Variants in PCLO observed in about 807,000 individuals in gnomAD.
PCLO encodes protein piccolo.
A neutral mutation model predicts 427.5 loss-of-function variants in PCLO; 82 were observed. The ratio of observed to expected loss-of-function variants is 0.19; its 90% CI spans 0.16 to 0.23. The LOEUF (loss-of-function observed/expected upper bound fraction) is 0.23. Among genes scored for constraint, PCLO ranks in the 10% least tolerant of loss-of-function variants. The pLI is 1.00. For missense variants in PCLO, 6,239 were observed against 6,115.9 expected (o/e 1.02, Z -0.67); for synonymous variants, 2,357 against 2,155.4 (o/e 1.09, Z -2.59).
chr7:82,851,824 C>T (rs528784076), intron 10 of PCLO, among the ~76,000 whole-genome samples: 1 of 152,290 alleles, frequency 6.6e-6, no homozygotes, highest in African/African-American at 2.4e-5. Flanking sequence ...CAACAGCAAA[C>T]ACATCTTGCA....
intron 3 of PCLO, chr7:83,018,053 A>C (rs2116038122): frequency 6.6e-6 from 1 of 152,130 alleles, no homozygotes; most frequent in East Asian, 1.9e-4. Flanking sequence ...TGTACTAATA[A>C]ATGAATTAAA....
At position 82,966,362 on chromosome 7, in the gene PCLO, T is replaced by A; in HGVS notation, c.3426A>T (p.Glu1142Asp). The change falls in exon 4 of 25, where the codon GAA (glutamate) becomes GAT (aspartate). Residue 1142 changes from glutamate (E) to aspartate (D), a missense_variant. Glu to Asp is a conservative substitution (Grantham distance 45). This residue lies in a region of PCLO where 4,677 missense variants were observed against 4,468.4 expected (regional missense o/e 1.05). Coordinates refer to ENST00000333891, the MANE Select transcript of PCLO (RefSeq NM_033026.6). ...GCACTGCTGTTTTCTGAGATGATGA[T>A]TCTGTAGGAACAGGCATAGGAGATG... ...PKASPMPVPT[E>D]SSSQKTAVPP... 6.2e-7 allele frequency: 1 copy of A among 1,613,930 alleles called. No homozygotes were observed. The highest frequency in any genetic ancestry group is 1.7e-5 in the Admixed American group (1 of 60,024).
At chr7:82,800,592 G>T (rs4299948) in intron 22 of PCLO, among the ~76,000 whole-genome samples, 52,756 of 151,774 alleles carry the variant, frequency 0.35, 9,592 homozygotes, top group African/African-American at 0.42. Context: ...AGGGCTACTA[G>T]ATTTTATTTA....
At chr7:83,138,408 C>A (rs1292636434) in intron 2 of PCLO, among the ~76,000 whole-genome samples, 1 of 152,110 alleles carries the variant, frequency 6.6e-6, no homozygotes, top group Non-Finnish European at 1.5e-5. Flanking sequence ...GGCCTGTAAT[C>A]CCAGCACTTT....
At chr7:83,115,851 A>C (rs1253323726) in intron 3 of PCLO, among the ~76,000 whole-genome samples, 3 of 152,026 alleles carry the variant, frequency 2.0e-5, no homozygotes, top group African/African-American at 7.2e-5. Context: ...CAACACTGTC[A>C]TATCATCCCC....
At chr7:82,762,370 T>A (rs918033560) in intron 22 of PCLO, among the ~76,000 whole-genome samples, 2 of 152,030 alleles carry the variant, frequency 1.3e-5, no homozygotes, top group Admixed American at 1.3e-4. Context: ...GAGAAATAAA[T>A]GCCTATGTGA....
intron 3 of PCLO, among the ~76,000 whole-genome samples, chr7:83,092,415 T>C (rs1562959526): frequency 6.6e-6 from 1 of 152,034 alleles, no homozygotes; most frequent in Non-Finnish European, 1.5e-5. Flanking sequence ...ACAATGGGAA[T>C]AAGGACAAAC....
intron 3 of PCLO, among the ~76,000 whole-genome samples, chr7:83,056,750 CA>C (rs1170943542): frequency 1.3e-5 from 2 of 152,092 alleles, no homozygotes; most frequent in Non-Finnish European, 2.9e-5. Context: ...CTTCATTTTA[CA>C]AAGTTGAAAT....
At chr7:83,018,469 A>G (rs1051909351) in intron 3 of PCLO, among the ~76,000 whole-genome samples, 24 of 152,122 alleles carry the variant, frequency 1.6e-4, no homozygotes, top group African/African-American at 5.5e-4. Flanking sequence ...AACCAAAAAT[A>G]TAGAGAGCTA....
rs557589746 is a variant in PCLO, at chr7:82,849,284, TA to T, written c.13655-2038del. ...AACTAGTATGGTTAATAAAATCTCT[TA>T]AAAAATTATACAGATAACTAGGGTC... On this transcript the variant is annotated intron_variant, in intron 10 of 24. Transcript: ENST00000333891. Among the ~76,000 whole-genome samples, 1,228 of 151,914 alleles carry T rather than the reference TA, an allele frequency of 8.1e-3. 6 individuals carry two copies. The highest frequency in any genetic ancestry group is 0.011 in the Non-Finnish European group (730 of 67,966).
intron 3 of PCLO, among the ~76,000 whole-genome samples, chr7:82,990,056 T>C (rs1372487712): frequency 6.6e-6 from 1 of 152,018 alleles, no homozygotes; most frequent in Admixed American, 6.6e-5. Flanking sequence ...AATAGTGAAA[T>C]TAAGGGGGAA....
At chr7:82,887,914 A>C (rs1793665341) in intron 9 of PCLO, among the ~76,000 whole-genome samples, 1 of 152,104 alleles carries the variant, frequency 6.6e-6, no homozygotes, top group Non-Finnish European at 1.5e-5. Flanking sequence ...CTAAAAAGCT[A>C]CAAAAATTAG....
chr7:82,883,871 G>A (rs1367941724), intron 9 of PCLO, among the ~76,000 whole-genome samples: 1 of 152,114 alleles, frequency 6.6e-6, no homozygotes, highest in Non-Finnish European at 1.5e-5. Flanking sequence ...CCAGGCTCAA[G>A]CTATTCTCCT....
chr7:82,943,019 A>T (rs975302327), intron 6 of PCLO, among the ~76,000 whole-genome samples: 3 of 152,118 alleles, frequency 2.0e-5, no homozygotes, highest in South Asian at 2.1e-4. Flanking sequence ...TGGCCACCAG[A>T]GCCATTATTT....
rs995280437 is a variant in PCLO, at chr7:82,953,637, G to A, written c.7316C>T (p.Pro2439Leu). The change falls in exon 5 of 25, where the codon CCT becomes CTT. Residue 2439 changes from proline to leucine, a missense_variant. Physicochemically the swap from Pro to Leu is moderately conservative, Grantham distance 98 (BLOSUM62 -3). Coordinates refer to ENST00000333891, the MANE Select transcript of PCLO (RefSeq NM_033026.6). The stretch of plus-strand genomic sequence containing the variant: ...AGATGCAACTGTTAACTTTTTTTTA[G>A]GAAGAATAGTTGGTTTAGGTGAAGT... ...PPTSPKPTIL[P>L]KKKLTVASPV... The A allele has an allele frequency of 6.3e-7, 1 of 1,581,800 alleles. No individual in the cohort carries two copies. Among genetic ancestry groups the A allele is most frequent in the African/African-American group, 1.4e-5 (1 of 72,336 alleles).
At chr7:83,032,363 C>T (rs1788689974) in intron 3 of PCLO, among the ~76,000 whole-genome samples, 1 of 151,108 alleles carries the variant, frequency 6.6e-6, no homozygotes, top group Non-Finnish European at 1.5e-5. Flanking sequence ...GATACATTTT[C>T]ATTCTCCATT....
chr7:82,892,551 G>A (rs1303069707), intron 9 of PCLO, among the ~76,000 whole-genome samples: 1 of 151,904 alleles, frequency 6.6e-6, no homozygotes, highest in African/African-American at 2.4e-5. Flanking sequence ...CAAAAGCAAT[G>A]GCAACAAAAG....
At chr7:83,120,868 T>A (rs1791259982) in intron 3 of PCLO, among the ~76,000 whole-genome samples, 1 of 152,154 alleles carries the variant, frequency 6.6e-6, no homozygotes, top group South Asian at 2.1e-4. Flanking sequence ...GAAAAGAATG[T>A]TAACAAGCAA....
chr7:83,012,160 A>G (rs1583905486), intron 3 of PCLO, among the ~76,000 whole-genome samples: 1 of 152,150 alleles, frequency 6.6e-6, no homozygotes, highest in Non-Finnish European at 1.5e-5. Context: ...CTACATCAGC[A>G]TAATAATAAA....
Sources: allele counts gnomAD v4.1 joint callset (sites outside exome capture counted in the v4.1 genomes callset), GRCh38; gene constraint gnomAD v4.1.1; regional missense constraint gnomAD v4.1.1; transcripts MANE v1.5; gene names NCBI Gene and HGNC (gene_info 2026-07-23, HGNC 2026-07-21).